Variants in MED4 observed in about 807,000 individuals in gnomAD.
MED4 encodes mediator of RNA polymerase II transcription subunit 4.
A neutral mutation model predicts 35.0 loss-of-function variants in MED4; 21 were observed. The observed-to-expected ratio is 0.60, with a 90% CI of 0.43 to 0.86. MED4 has a LOEUF of 0.86. Ranked by LOEUF, MED4 falls within the 40% of genes least tolerant of loss-of-function variation. The pLI is 0.00. For synonymous variants in MED4, 138 were observed against 114.0 expected (o/e 1.21, Z -1.34); for missense variants, 300 against 319.4 (o/e 0.94, Z 0.46).
In MED4 at chr13:48,077,336, A is replaced by G. The variant is rs549666950; in HGVS notation, c.641-25T>C. 8.3e-6 allele frequency: 12 copies of G among 1,449,736 alleles called. No homozygotes were observed. In the East Asian group the frequency reaches 3.1e-4, roughly 38 times the overall value. 89.8% of individuals were successfully genotyped at this position (1,449,736 alleles called of 1,614,324 possible). On this transcript the variant is annotated intron_variant, in intron 6 of 6. Transcript: ENST00000258648. The stretch of plus-strand genomic sequence containing the variant: ...TCTGGAGAAAAAAAGAAGCATAGAT[A>G]AGAACAGCTCTATCTGTAATTAATC...
At position 48,081,627 on chromosome 13, in the gene MED4, T is replaced by A. The variant is rs1283911906; in HGVS notation, c.508+18A>T. 3 of 1,578,782 alleles carry A rather than the reference T, an allele frequency of 1.9e-6. No individual in the cohort carries two copies. Among genetic ancestry groups the A allele is most frequent in the Non-Finnish European group, 2.6e-6 (3 of 1,152,940 alleles). ...TCAAAACCACATATATCTAGTATAA[T>A]AAGACGAGTATGTTTACCTGGAACC... On this transcript the variant is annotated intron_variant, in intron 5 of 6. Coordinates refer to ENST00000258648, the MANE Select transcript of MED4 (RefSeq NM_014166.4).
At chr13:48,084,957 C>T (rs1401987493) in intron 3 of MED4, among the ~76,000 whole-genome samples, 1 of 151,968 alleles carries the variant, frequency 6.6e-6, no homozygotes, top group Admixed American at 6.6e-5. Context: ...ACCTCTGCCT[C>T]CCGGGTTCAA....
intron 1 of MED4, among the ~76,000 whole-genome samples, chr13:48,093,047 G>A (rs1039017256): frequency 1.3e-5 from 2 of 152,176 alleles, no homozygotes; most frequent in Non-Finnish European, 2.9e-5. Flanking sequence ...CCACACTCAA[G>A]AGCCCTGTCC....
At chr13:48,091,827 T>C (rs1386242735) in intron 1 of MED4, among the ~76,000 whole-genome samples, 2 of 151,792 alleles carry the variant, frequency 1.3e-5, no homozygotes, top group African/African-American at 4.8e-5. Flanking sequence ...GGGGAGTGGG[T>C]TGGCTACTTC....
At chr13:48,084,753 C>T (rs1270170048) in intron 3 of MED4, among the ~76,000 whole-genome samples, 1 of 152,014 alleles carries the variant, frequency 6.6e-6, no homozygotes, top group African/African-American at 2.4e-5. Context: ...TTTTTTCCCT[C>T]TTCTTTCCAT....
chr13:48,077,047 T>C lies in MED4; in HGVS notation c.*92A>G. 8.6e-7 allele frequency: 1 copy of C among 1,166,172 alleles called. No individual in the cohort carries two copies. The highest frequency in any genetic ancestry group is 2.9e-5 in the Admixed American group (1 of 34,604). The allele number at this position is 1,166,172 out of a possible 1,614,324, so 72.2% of individuals were successfully genotyped here. A position where few individuals can be genotyped will look rare whatever the true frequency, so the allele number is the denominator to read the frequency against. On this transcript the variant is annotated 3_prime_UTR_variant, in exon 7 of 7. Coordinates refer to ENST00000258648, the MANE Select transcript of MED4 (RefSeq NM_014166.4). ...ACCAAAGCCAGTGTTTACCTGGGTA[T>C]TTTTTGTCACCTGTAGTTTACATTT...
chr13:48,082,547 G>C (rs1950816911), intron 4 of MED4, among the ~76,000 whole-genome samples: 1 of 152,206 alleles, frequency 6.6e-6, no homozygotes, highest in Non-Finnish European at 1.5e-5. Flanking sequence ...TAGCTATTTG[G>C]CTGGGCGCAG....
chr13:48,088,361 T>A (rs1950867915), intron 2 of MED4, among the ~76,000 whole-genome samples: 1 of 152,250 alleles, frequency 6.6e-6, no homozygotes, highest in African/African-American at 2.4e-5. Flanking sequence ...TTATAGGAAT[T>A]CTTCTAATAC....
chr13:48,095,006 T>C lies in MED4; in HGVS notation c.73A>G (p.Ser25Gly), dbSNP rs1268474744. ...GGGLGVAGGN[S>G]TRERLLSALE... ...GCAGACAGCAGCCGCTCTCGTGTGCTGTTACCACCCGCCACTCCCAAACCG... is the reference window on the plus strand; with the variant it reads ...GCAGACAGCAGCCGCTCTCGTGTGCCGTTACCACCCGCCACTCCCAAACCG... The change falls in exon 1 of 7, where the codon AGC becomes GGC. Residue 25 changes from serine (S) to glycine (G), a missense_variant. Transcript: ENST00000258648. 3 of 1,603,948 alleles carry C rather than the reference T, an allele frequency of 1.9e-6. No individual in the cohort carries two copies. Among genetic ancestry groups the C allele is most frequent in the African/African-American group, 1.3e-5 (1 of 74,918 alleles).
chr13:48,081,588 TC>T, intron 5 of MED4, 56 bp downstream of exon 5: 1 of 1,172,530 alleles, frequency 8.5e-7, no homozygotes. Context: ...CTGTACATAG[TC>T]ACCTAAGAAT....
intron 6 of MED4, among the ~76,000 whole-genome samples, chr13:48,077,808 A>G (rs563539320): frequency 2.0e-5 from 3 of 152,236 alleles, no homozygotes; most frequent in Non-Finnish European, 4.4e-5. Flanking sequence ...ACTTTTTTAA[A>G]AAAATCATAC....
intron 1 of MED4, chr13:48,093,759 G>A: frequency 4.4e-6 from 1 of 226,890 alleles, no homozygotes; most frequent in Non-Finnish European, 9.3e-6. Context: ...GGTGTTTTCG[G>A]GTTTTCTTCC....
chr13:48,083,977 C>T (rs1950829986), intron 3 of MED4, among the ~76,000 whole-genome samples: 1 of 151,996 alleles, frequency 6.6e-6, no homozygotes. Flanking sequence ...AGTATGGAGT[C>T]AGGCCAGGCA....
chr13:48,079,860 T>G lies in MED4; in HGVS notation c.624A>C (p.Ala208=), dbSNP rs1480800342. Residue 208 remains alanine, a synonymous_variant, in exon 6 of 7, where the codon GCA becomes GCC. Transcript: ENST00000258648. ...VNGHLPGDAL[A]AGRLPDVLAP... ...TAACATTACCTGGCAATCTTCCTGC[T>G]GCAAGTGCATCTCCTGGTAAATGGC... is the stretch of plus-strand genomic sequence containing the variant. The G allele has an allele frequency of 6.2e-7, 1 of 1,613,696 alleles. No individual in the cohort carries two copies. Among genetic ancestry groups the G allele is most frequent in the Non-Finnish European group, 8.5e-7 (1 of 1,179,766 alleles).
At chr13:48,079,139 G>A (rs1204055430) in intron 6 of MED4, among the ~76,000 whole-genome samples, 1 of 152,068 alleles carries the variant, frequency 6.6e-6, no homozygotes, top group East Asian at 1.9e-4. Context: ...GGGTCTCACA[G>A]AAATACTATT....
In MED4 at chr13:48,090,386, T is replaced by C. The variant is rs1476379262; in HGVS notation, c.158A>G (p.Asn53Ser). Residue 53 changes from asparagine to serine, a missense_variant, in exon 2 of 7, where the codon AAC becomes AGC. Asn to Ser is a conservative substitution (Grantham distance 46). Coordinates refer to ENST00000258648, the MANE Select transcript of MED4 (RefSeq NM_014166.4). The stretch of plus-strand genomic sequence containing the variant: ...CTCTCCAGCCTGTAACAACTTTTGG[T>C]TTCTTGAAATTGCCAGCATTTCTAT... ...ELIEMLAISR[N>S]QKLLQAGEEN... The C allele has an allele frequency of 5.0e-6, 8 of 1,597,474 alleles. No homozygotes were observed. The highest frequency in any genetic ancestry group is 1.8e-5 in the Admixed American group (1 of 56,624).
intron 1 of MED4, chr13:48,093,452 G>A: frequency 6.3e-6 from 2 of 315,486 alleles, no homozygotes; most frequent in Admixed American, 4.4e-5. Flanking sequence ...GTATATTCGT[G>A]ATTTTTCTTC....
chr13:48,080,432 A>G (rs1052837691), intron 5 of MED4, among the ~76,000 whole-genome samples: 1 of 150,860 alleles, frequency 6.6e-6, no homozygotes, highest in African/African-American at 2.4e-5. Flanking sequence ...AGAAAGAAAT[A>G]TAAAAGTCAC....
rs1313919055 is a variant in MED4 at position 48,081,576 on chromosome 13, G to C, written c.508+69C>G. On this transcript the variant is annotated intron_variant, in intron 5 of 6. Transcript: ENST00000258648. ...TAAATACATTTTAAATTAAATCTATGTCTGTACATAGTCACCTAAGAATCT... is the reference window on the plus strand; with the variant it reads ...TAAATACATTTTAAATTAAATCTATCTCTGTACATAGTCACCTAAGAATCT... The C allele has an allele frequency of 7.9e-6, 8 of 1,011,454 alleles. No homozygotes were observed. The East Asian group carries it at 2.0e-4, about 26-fold the overall frequency. The allele number at this position is 1,011,454 out of a possible 1,614,324, so 62.7% of individuals were successfully genotyped here.
Sources: gnomAD v4.1 joint callset for allele counts (sites outside exome capture counted in the v4.1 genomes callset) on GRCh38, gnomAD v4.1.1 for gene constraint, MANE v1.5 for transcripts, NCBI Gene and HGNC (gene_info 2026-07-23, HGNC 2026-07-21) for gene names.